Variants in PLXDC2 observed in about 807,000 individuals in gnomAD.
The protein encoded by PLXDC2 is plexin domain-containing protein 2.
PLXDC2 carries 40 observed loss-of-function variants against 68.9 expected under a neutral mutation model. That is an observed-to-expected ratio of 0.58 (90% confidence interval 0.45 to 0.76). The LOEUF is 0.76. PLXDC2 is among the 30% of genes least tolerant of loss of function. The pLI is 0.00. For synonymous variants in PLXDC2, 243 were observed against 234.2 expected (o/e 1.04, Z -0.34); for missense variants, 644 against 661.9 (o/e 0.97, Z 0.30).
At chr10:20,056,683 A>G (rs1836005480) in intron 3 of PLXDC2, among the ~76,000 whole-genome samples, 1 of 152,198 alleles carries the variant, frequency 6.6e-6, no homozygotes, top group African/African-American at 2.4e-5. Context: ...CAAAGCAAGA[A>G]GTTGCCTTCT....
chr10:19,945,947 A>G (rs1048131451), intron 1 of PLXDC2, among the ~76,000 whole-genome samples: 3 of 152,194 alleles, frequency 2.0e-5, no homozygotes, highest in Non-Finnish European at 4.4e-5. Flanking sequence ...CCCCTGTTAT[A>G]ATTTTGGACA....
intron 6 of PLXDC2, among the ~76,000 whole-genome samples, chr10:20,154,291 A>T (rs1834189328): frequency 6.6e-6 from 1 of 152,186 alleles, no homozygotes; most frequent in Non-Finnish European, 1.5e-5. Flanking sequence ...ATGGCCGGGT[A>T]CGGTGGCTCA....
At chr10:19,837,473 CAAAT>C (rs1220637278) in intron 1 of PLXDC2, among the ~76,000 whole-genome samples, 10 of 149,144 alleles carry the variant, frequency 6.7e-5, no homozygotes, top group African/African-American at 2.2e-4. Context: ...CAGGCAGAGA[CAAAT>C]AAATGAGTTG....
At chr10:20,161,756 G>A (rs1008356123) in intron 6 of PLXDC2, among the ~76,000 whole-genome samples, 2 of 152,112 alleles carry the variant, frequency 1.3e-5, no homozygotes, top group Non-Finnish European at 2.9e-5. Flanking sequence ...ATGCGGCTGG[G>A]TGCAGTGGCT....
intron 1 of PLXDC2, among the ~76,000 whole-genome samples, chr10:19,831,667 A>G (rs1836695116): frequency 6.6e-6 from 1 of 152,148 alleles, no homozygotes; most frequent in Admixed American, 6.5e-5. Flanking sequence ...CCCACTTATA[A>G]GTAAGAACAT....
intron 7 of PLXDC2, among the ~76,000 whole-genome samples, chr10:20,167,900 T>G (rs1314648302): frequency 6.6e-6 from 1 of 152,156 alleles, no homozygotes; most frequent in Non-Finnish European, 1.5e-5. Flanking sequence ...AATTTCTCCC[T>G]ATTCATTCTT....
intron 1 of PLXDC2, among the ~76,000 whole-genome samples, chr10:19,893,966 C>G (rs1184912699): frequency 2.0e-5 from 3 of 152,172 alleles, no homozygotes; most frequent in Admixed American, 6.5e-5. Context: ...ATCCCTTGAA[C>G]CCTCTTCACT....
chr10:20,089,937 C>G (rs1286672269), intron 4 of PLXDC2, among the ~76,000 whole-genome samples: 2 of 152,118 alleles, frequency 1.3e-5, no homozygotes, highest in Non-Finnish European at 2.9e-5. Flanking sequence ...CCGTTAGGTT[C>G]AAGTCCTTTT....
At position 19,883,241 on chromosome 10, in the gene PLXDC2, C is replaced by T. The variant is rs1040826439; in HGVS notation, c.112+66050C>T. On this transcript the variant is annotated intron_variant, in intron 1 of 13. Transcript: ENST00000377252. ...CCTCCCAAAGTGCTGGGATTACAGG[C>T]GTGAGCCACCCCGCCTGGCCACTAA... Among the ~76,000 whole-genome samples the T allele has an allele frequency of 7.2e-5, 11 of 152,084 alleles. No individual in the cohort carries two copies. The East Asian group carries it at 1.4e-3, about 19-fold the overall frequency.
intron 1 of PLXDC2, among the ~76,000 whole-genome samples, chr10:19,912,668 A>C (rs1833295543): frequency 6.6e-6 from 1 of 152,170 alleles, no homozygotes; most frequent in African/African-American, 2.4e-5. Flanking sequence ...AACGGTAATA[A>C]TTAACATTAG....
At chr10:20,077,534 G>A (rs1461678728) in intron 4 of PLXDC2, among the ~76,000 whole-genome samples, 3 of 152,160 alleles carry the variant, frequency 2.0e-5, no homozygotes, top group African/African-American at 7.2e-5. Context: ...ACTAGCCTGA[G>A]GGCTACAGAG....
At chr10:20,194,176 C>T (rs562471752) in intron 9 of PLXDC2, among the ~76,000 whole-genome samples, 6 of 136,954 alleles carry the variant, frequency 4.4e-5, no homozygotes, top group East Asian at 2.4e-4. Flanking sequence ...CTTTGAGAGA[C>T]GAATTGAACT....
At chr10:20,160,141 A>G (rs1834271556) in intron 6 of PLXDC2, among the ~76,000 whole-genome samples, 1 of 152,208 alleles carries the variant, frequency 6.6e-6, no homozygotes, top group African/African-American at 2.4e-5. Context: ...TGAATGAATG[A>G]ATGGATTCTA....
rs543961372 is a variant in PLXDC2 at position 20,060,382 on chromosome 10, C to G, written c.472-7788C>G. 5.3e-5 allele frequency among the ~76,000 whole-genome samples: 8 copies of G among 151,234 alleles called. No individual in the cohort carries two copies. The South Asian group carries it at 1.7e-3, about 32-fold the overall frequency. On this transcript the variant is annotated intron_variant, in intron 3 of 13. Transcript: ENST00000377252. ...ATAGGGGAATAAAGCACGAAATGAC[C>G]ATTGAGAATTTTAAAAAAGAAAGTA...
At chr10:20,125,015 T>C (rs189514216) in intron 4 of PLXDC2, among the ~76,000 whole-genome samples, 23 of 152,280 alleles carry the variant, frequency 1.5e-4, no homozygotes, top group African/African-American at 4.1e-4. Flanking sequence ...ACTTGTAGTT[T>C]CTTAATTGCT....
At chr10:20,196,215 G>A (rs1311280420) in intron 9 of PLXDC2, among the ~76,000 whole-genome samples, 3 of 152,140 alleles carry the variant, frequency 2.0e-5, no homozygotes, top group African/African-American at 7.2e-5. Flanking sequence ...TGCTGGAAAG[G>A]ACCTTTTAGA....
intron 1 of PLXDC2, among the ~76,000 whole-genome samples, chr10:19,870,830 G>A (rs189195750): frequency 1.3e-5 from 2 of 152,332 alleles, no homozygotes; most frequent in East Asian, 1.9e-4. Flanking sequence ...TCTGTCATAT[G>A]TAACTTAATT....
At chr10:19,967,617 C>A (rs1341919620) in intron 1 of PLXDC2, among the ~76,000 whole-genome samples, 1 of 152,044 alleles carries the variant, frequency 6.6e-6, no homozygotes, top group African/African-American at 2.4e-5. Context: ...TAAAATCAGA[C>A]CTTACCACTT....
chr10:19,816,840 C>T lies in PLXDC2; in HGVS notation c.-240C>T. On this transcript the variant is annotated 5_prime_UTR_variant, in exon 1 of 14. Transcript: ENST00000377252. ...GTTGTTGTTCAGTGTCGGGTGAGGG[C>T]TGCGAGTGTGGCAAGTTGCAAAGAG... 1 of 571,258 alleles carries T rather than the reference C, an allele frequency of 1.8e-6. No homozygotes were observed. The highest frequency in any genetic ancestry group is 3.1e-6 in the Non-Finnish European group (1 of 321,630). 35.4% of individuals were successfully genotyped at this position (571,258 alleles called of 1,614,324 possible).
Sources: allele counts gnomAD v4.1 joint callset (sites outside exome capture counted in the v4.1 genomes callset), GRCh38; gene constraint gnomAD v4.1.1; transcripts MANE v1.5; gene names NCBI Gene and HGNC (gene_info 2026-07-23, HGNC 2026-07-21).